Variants in LY9 observed in about 807,000 individuals in gnomAD.
The protein encoded by LY9 is lymphocyte antigen 9, also known as T-lymphocyte surface antigen Ly-9.
A neutral mutation model predicts 64.6 loss-of-function variants in LY9; 59 were observed. That is an observed-to-expected ratio of 0.91 (90% CI 0.74 to 1.13). LY9 has a LOEUF of 1.13. LY9 is among the 50% of genes most tolerant of loss of function. The probability of loss-of-function intolerance (pLI) is 0.00; values close to 1 mark genes in which losing one functional copy is unlikely to be tolerated. For missense variants in LY9, 789 were observed against 797.2 expected (o/e 0.99, Z 0.12); for synonymous variants, 281 against 308.5 (o/e 0.91, Z 0.93).
chr1:160,801,664 T>C, intron 2 of LY9: 3 of 698,568 alleles, frequency 4.3e-6, no homozygotes, highest in Non-Finnish European at 4.8e-6. Context: ...TAGGTTTTCT[T>C]CTAGTATTTT....
At chr1:160,825,622 ACT>A (rs1471225882) in intron 9 of LY9, among the ~76,000 whole-genome samples, 12 of 151,538 alleles carry the variant, frequency 7.9e-5, no homozygotes, top group South Asian at 6.3e-4. Context: ...TTTTTAAAAA[ACT>A]CTCGGCTGGG....
chr1:160,814,594 T>C lies in LY9; in HGVS notation c.905T>C (p.Leu302Pro). 6.2e-7 allele frequency: 1 copy of C among 1,614,128 alleles called. No individual in the cohort carries two copies. Among genetic ancestry groups the C allele is most frequent in the Non-Finnish European group, 8.5e-7 (1 of 1,180,030 alleles). ...EREEAATADPLIKSRDPYKNR... is the reference protein window; with the variant it reads ...EREEAATADPPIKSRDPYKNR... ...GAAGAAGCAGCAACGGCAGATCCACTCATTAAATCCAGGGATCCTTACAAG... is the reference window on the plus strand; with the variant it reads ...GAAGAAGCAGCAACGGCAGATCCACCCATTAAATCCAGGGATCCTTACAAG... The change falls in exon 4 of 10, where the codon CTC (leucine) becomes CCC (proline). Residue 302 changes from leucine (L) to proline (P), a missense_variant. Leu to Pro is a moderately conservative substitution (Grantham distance 98). Transcript: ENST00000263285.
At chr1:160,800,284 T>C (rs554183597) in intron 2 of LY9, 2 of 561,410 alleles carry the variant, frequency 3.6e-6, no homozygotes, top group Non-Finnish European at 6.3e-6. Context: ...ATTGATTTTC[T>C]CTATCTTACT....
chr1:160,820,596 C>T (rs1668340146), intron 7 of LY9, among the ~76,000 whole-genome samples: 1 of 151,998 alleles, frequency 6.6e-6, no homozygotes, highest in South Asian at 2.1e-4. Flanking sequence ...TATGAAGCTC[C>T]CCATCAGCTC....
At chr1:160,798,359 A>G (rs1416148353) in intron 1 of LY9, among the ~76,000 whole-genome samples, 2 of 152,308 alleles carry the variant, frequency 1.3e-5, no homozygotes, top group East Asian at 3.9e-4. Flanking sequence ...AGGGAAGTGG[A>G]TTAAATTCTC....
At chr1:160,796,397 T>TC (rs397785648) in intron 1 of LY9, 86 bp downstream of exon 1, 7 of 1,483,770 alleles carry the variant, frequency 4.7e-6, no homozygotes, top group Non-Finnish European at 6.3e-6. Context: ...TTCTTTTTTT[T>TC]GTTTTTTGTT....
chr1:160,823,005 T>A (rs1668592167), intron 7 of LY9, among the ~76,000 whole-genome samples: 1 of 152,214 alleles, frequency 6.6e-6, no homozygotes, highest in Non-Finnish European at 1.5e-5. Flanking sequence ...AGTTCCTCTC[T>A]GCTTCTCTAA....
intron 4 of LY9, among the ~76,000 whole-genome samples, chr1:160,815,954 C>T (rs1571029681): frequency 6.6e-6 from 1 of 152,192 alleles, no homozygotes; most frequent in South Asian, 2.1e-4. Flanking sequence ...TCAGCATACC[C>T]CCTGCCTGAG....
Position 160,800,260 on chromosome 1 carries a change from C to T in LY9, c.454+178C>T. On this transcript the variant is annotated intron_variant, in intron 2 of 9. Transcript: ENST00000263285. The stretch of plus-strand genomic sequence containing the variant: ...TGTTAAGTATAGTCACCCTACTCTG[C>T]TATCAAAAATTGAATTGATTTTCTC... The T allele has an allele frequency of 8.6e-6, 5 of 582,044 alleles. No homozygotes were observed. In the Admixed American group the frequency reaches 1.6e-4, roughly 18 times the overall value. The allele number at this position is 582,044 out of a possible 1,614,324, so 36.1% of individuals were successfully genotyped here. A position where few individuals can be genotyped will look rare whatever the true frequency, so the allele number is the denominator to read the frequency against.
intron 9 of LY9, 104 bp from the exon 10 acceptor site, chr1:160,827,644 T>A (rs1668929721): frequency 1.2e-6 from 1 of 844,114 alleles, no homozygotes; most frequent in Admixed American, 2.4e-5. Flanking sequence ...ACTCTACTTC[T>A]GTAGGATGGA....
intron 1 of LY9, chr1:160,798,824 A>G (rs1331729400): frequency 6.6e-6 from 1 of 152,120 alleles, no homozygotes; most frequent in Non-Finnish European, 1.5e-5. Context: ...TTTCCCACCC[A>G]GAATTCCTGG....
chr1:160,801,798 A>T, intron 2 of LY9: 1 of 1,613,246 alleles, frequency 6.2e-7, no homozygotes, highest in South Asian at 1.1e-5. Flanking sequence ...AGCACCATTT[A>T]TTGAAAAGTT....
In LY9 at chr1:160,814,402, T is replaced by C; in HGVS notation, c.731-18T>C. On this transcript the variant is annotated intron_variant, in intron 3 of 9. Transcript: ENST00000263285. Reference sequence around the variant, plus strand: ...AGGGACAGTGACTGAAGCTGCAATGTCTCATCTGTGACCCCAGATCCAGGA... The same window carrying C: ...AGGGACAGTGACTGAAGCTGCAATGCCTCATCTGTGACCCCAGATCCAGGA... 2.5e-6 allele frequency: 4 copies of C among 1,575,268 alleles called. No individual in the cohort carries two copies. Among genetic ancestry groups the C allele is most frequent in the Non-Finnish European group, 3.5e-6 (4 of 1,153,656 alleles).
At chr1:160,803,444 T>C (rs1173756335) in intron 2 of LY9, among the ~76,000 whole-genome samples, 1 of 152,182 alleles carries the variant, frequency 6.6e-6, no homozygotes, top group African/African-American at 2.4e-5. Flanking sequence ...ATTTCTCCAT[T>C]TGTTTGTGTC....
At chr1:160,827,326 C>A (rs144963726) in intron 9 of LY9, among the ~76,000 whole-genome samples, 118 of 152,288 alleles carry the variant, frequency 7.7e-4, no homozygotes, top group African/African-American at 2.7e-3. Context: ...GCCTAAGAAC[C>A]CTTGGGAACA....
At chr1:160,805,718 G>A (rs1038245593) in intron 2 of LY9, among the ~76,000 whole-genome samples, 1 of 148,176 alleles carries the variant, frequency 6.7e-6, no homozygotes, top group East Asian at 2.0e-4. Context: ...CTACTATTCT[G>A]TTGCAGTCTC....
Sources: allele counts gnomAD v4.1 joint callset (sites outside exome capture counted in the v4.1 genomes callset), GRCh38; gene constraint gnomAD v4.1.1; transcripts MANE v1.5; gene names NCBI Gene and HGNC (gene_info 2026-07-23, HGNC 2026-07-21).